The following IQSEC1 variants were observed in gnomAD, a reference collection of about 807,000 sequenced individuals.
IQSEC1 encodes the protein IQ motif and SEC7 domain-containing protein 1.
IQSEC1 carries 31 observed loss-of-function variants against 91.0 expected under a neutral mutation model. That is an observed-to-expected ratio of 0.34 (90% CI 0.26 to 0.46). The LOEUF (loss-of-function observed/expected upper bound fraction) is 0.46, where lower values mean the gene tolerates loss of function less well. IQSEC1 is among the 20% of genes least tolerant of loss of function. The pLI is 1.00. For missense variants in IQSEC1, 1,388 were observed against 1,575.6 expected (o/e 0.88, Z 2.02); for synonymous variants, 699 against 662.6 (o/e 1.05, Z -0.84).
At chr3:13,089,035 T>C (rs942889314) in intron 2 of IQSEC1, among the ~76,000 whole-genome samples, 4 of 152,374 alleles carry the variant, frequency 2.6e-5, no homozygotes, top group African/African-American at 9.6e-5. Context: ...GATTTCAGTA[T>C]TGTAACGACA....
rs550908028 is a variant in IQSEC1 at position 12,972,735 on chromosome 3, C to A, written c.24-30870G>T. Among the ~76,000 whole-genome samples, 4 of 152,278 alleles carry A rather than the reference C, an allele frequency of 2.6e-5. No homozygotes were observed. In the East Asian group the frequency reaches 7.7e-4, roughly 29 times the overall value. On this transcript the variant is annotated intron_variant, in intron 1 of 13. Transcript: ENST00000613206. Reference sequence around the variant, plus strand: ...CCAGAACTATAAACACTGACACTGACCCGAGGCTTCATGCCACACTGGCCA... The same window carrying A: ...CCAGAACTATAAACACTGACACTGAACCGAGGCTTCATGCCACACTGGCCA...
rs1009590643 is a variant in IQSEC1 at position 12,900,444 on chromosome 3, C to T, written c.*539G>A. ...CCTGCCTTTCACACACAAGTACTAC[C>T]TATACAGTATATATATATATATATT... On this transcript the variant is annotated 3_prime_UTR_variant, in exon 14 of 14. Coordinates refer to ENST00000613206, the MANE Select transcript of IQSEC1 (RefSeq NM_001134382.3). The T allele has an allele frequency of 1.1e-5, 9 of 817,174 alleles. No individual in the cohort carries two copies. In the African/African-American group the frequency reaches 1.5e-4, roughly 14 times the overall value. 50.6% of individuals were successfully genotyped at this position (817,174 alleles called of 1,614,324 possible).
At chr3:12,901,579 AATG>A in intron 13 of IQSEC1, 57 bp from the exon 14 acceptor site, 4 of 1,420,838 alleles carry the variant, frequency 2.8e-6, no homozygotes, top group East Asian at 5.0e-5. Context: ...CTTAGGTCAG[AATG>A]ATTTTTTTTT....
At chr3:13,142,974 C>G (rs1303395098) in intron 2 of IQSEC1, among the ~76,000 whole-genome samples, 1 of 152,216 alleles carries the variant, frequency 6.6e-6, no homozygotes, top group Non-Finnish European at 1.5e-5. Context: ...TTCATTTCCT[C>G]CTGTTCTCTT....
chr3:13,133,541 C>T (rs116316593), intron 2 of IQSEC1, among the ~76,000 whole-genome samples: 1,832 of 152,326 alleles, frequency 0.012, 43 homozygotes, highest in African/African-American at 0.041. Flanking sequence ...GGGCAGCAGG[C>T]GCCCTTGCCA....
rs372041168 is a variant in IQSEC1, at chr3:13,144,862, G to A, written c.302+19242C>T. 3.7e-4 allele frequency among the ~76,000 whole-genome samples: 57 copies of A among 152,324 alleles called. 1 individual carries two copies. In the South Asian group the frequency reaches 0.011, roughly 29 times the overall value. On this transcript the variant is annotated intron_variant, in intron 2 of 15. Coordinates refer to the IQSEC1 transcript ENST00000648114. Reference sequence around the variant, plus strand: ...GAGGCCTCTGAAGTCTGGAAGCAGCGCTTGGGCCGAAGCGAATCCACAGGC... The same window carrying A: ...GAGGCCTCTGAAGTCTGGAAGCAGCACTTGGGCCGAAGCGAATCCACAGGC...
Position 13,142,271 on chromosome 3 carries a change from C to T in IQSEC1, c.302+21833G>A, listed in dbSNP as rs1706813873. 2.0e-5 allele frequency among the ~76,000 whole-genome samples: 3 copies of T among 152,210 alleles called. No individual in the cohort carries two copies. In the South Asian group the frequency reaches 6.2e-4, roughly 32 times the overall value. On this transcript the variant is annotated intron_variant, in intron 2 of 15. Transcript: ENST00000648114. Reference sequence around the variant, plus strand: ...CACTTTGCTGATGACACAGCAGAAGCCCAGAGAGGGGAAGGGCTTCCCTGC... The same window carrying T: ...CACTTTGCTGATGACACAGCAGAAGTCCAGAGAGGGGAAGGGCTTCCCTGC...
Position 12,899,312 on chromosome 3 carries a change from G to A in IQSEC1, c.*1671C>T. 1.3e-6 allele frequency: 2 copies of A among 1,520,914 alleles called. No homozygotes were observed. Among genetic ancestry groups the A allele is most frequent in the Admixed American group, 1.8e-5 (1 of 55,418 alleles). 94.2% of individuals were successfully genotyped at this position (1,520,914 alleles called of 1,614,324 possible). A position where few individuals can be genotyped will look rare whatever the true frequency, so the allele number is the denominator to read the frequency against. ...GGAACGCGGCCCCGCGGCCCGCAGA[G>A]TCAGGCGTGAGCTTCGCCCTTTCTG... On this transcript the variant is annotated 3_prime_UTR_variant, in exon 14 of 14. Coordinates refer to ENST00000613206, the MANE Select transcript of IQSEC1 (RefSeq NM_001134382.3).
chr3:12,963,556 T>C (rs990511652), intron 1 of IQSEC1, among the ~76,000 whole-genome samples: 1 of 152,266 alleles, frequency 6.6e-6, no homozygotes, highest in African/African-American at 2.4e-5. Context: ...TCTATCTGTA[T>C]GCTTTGGTCA....
chr3:13,171,107 C>A (rs376694158), intron 1 of IQSEC1, among the ~76,000 whole-genome samples: 13,752 of 148,782 alleles, frequency 0.092, 963 homozygotes, highest in African/African-American at 0.2. Context: ...TCAAAAAAAA[C>A]AAAAAAAACA....
Position 13,259,033 on chromosome 3 carries a change from T to G in IQSEC1, c.272+23678A>C, listed in dbSNP as rs182747725. Among the ~76,000 whole-genome samples, 1 of 152,262 alleles carries G rather than the reference T, an allele frequency of 6.6e-6. No individual in the cohort carries two copies. Among genetic ancestry groups the G allele is most frequent in the Admixed American group, 6.5e-5 (1 of 15,282 alleles). On this transcript the variant is annotated intron_variant, in intron 1 of 15. Transcript: ENST00000648114. The surrounding 1 kb of genome is among the most constrained non-coding windows in gnomAD (Gnocchi z 4.6). ...GCACAGCCCCTACCCTCTTTCCCTATAGTCTATCTCACACCATGGCCAGAG... is the reference window on the plus strand; with the variant it reads ...GCACAGCCCCTACCCTCTTTCCCTAGAGTCTATCTCACACCATGGCCAGAG...
rs572303473 is a variant in IQSEC1 at position 13,156,969 on chromosome 3, T to C, written c.302+7135A>G. Among the ~76,000 whole-genome samples the C allele has an allele frequency of 3.9e-5, 6 of 152,238 alleles. No individual in the cohort carries two copies. In the South Asian group the frequency reaches 1.2e-3, roughly 32 times the overall value. ...AATGGAGAGTCAGATGTGGACAAGA[T>C]CAAGAAAACTCTTGATGTTTTCATT... On this transcript the variant is annotated intron_variant, in intron 2 of 15. Transcript: ENST00000648114.
Position 12,898,047 on chromosome 3 carries a change from G to C in IQSEC1, c.*2936C>G. ...GTCAGCAATTCTGTATGTAACTGCA[G>C]TAATTTGTGTGACTTGAGAAAGGTG... On this transcript the variant is annotated 3_prime_UTR_variant, in exon 14 of 14. Coordinates refer to ENST00000613206, the MANE Select transcript of IQSEC1 (RefSeq NM_001134382.3). 1 of 152,182 alleles carries C rather than the reference G, an allele frequency of 6.6e-6. No individual in the cohort carries two copies. The highest frequency in any genetic ancestry group is 1.9e-4 in the East Asian group (1 of 5,186). 9.4% of individuals were successfully genotyped at this position (152,182 alleles called of 1,614,324 possible).
At chr3:13,171,654 T>C (rs1224952140) in intron 1 of IQSEC1, among the ~76,000 whole-genome samples, 1 of 152,222 alleles carries the variant, frequency 6.6e-6, no homozygotes, top group Non-Finnish European at 1.5e-5. Context: ...TCCCTATTCC[T>C]GATGATTTAG....
At chr3:12,938,276 G>A (rs1420116368) in intron 2 of IQSEC1, among the ~76,000 whole-genome samples, 2 of 152,238 alleles carry the variant, frequency 1.3e-5, no homozygotes, top group African/African-American at 4.8e-5. Flanking sequence ...TTGCCCTCGA[G>A]GAGCGAGGGG....
At chr3:13,131,573 A>G (rs1017765318) in intron 2 of IQSEC1, among the ~76,000 whole-genome samples, 4 of 139,558 alleles carry the variant, frequency 2.9e-5, no homozygotes, top group African/African-American at 1.1e-4. Flanking sequence ...CGCAACCTGT[A>G]GCTCCTAGGT....
At chr3:13,070,175 A>C (rs1705368770) in intron 1 of IQSEC1, among the ~76,000 whole-genome samples, 1 of 152,236 alleles carries the variant, frequency 6.6e-6, no homozygotes. Flanking sequence ...CCGCTGGAGC[A>C]AGTCTGTCCC....
At position 12,900,503 on chromosome 3, in the gene IQSEC1, C is replaced by T. The variant is rs1210908852; in HGVS notation, c.*480G>A. On this transcript the variant is annotated 3_prime_UTR_variant, in exon 14 of 14. Transcript: ENST00000613206. ...TATATATTTATATAAAGTTTACTTA[C>T]GTATTTTCATCAACCATATCAGGTC... The T allele has an allele frequency of 7.2e-5, 61 of 843,196 alleles. No individual in the cohort carries two copies. Among genetic ancestry groups the T allele is most frequent in the South Asian group, 1.6e-4 (3 of 18,428 alleles). 52.2% of individuals were successfully genotyped at this position (843,196 alleles called of 1,614,324 possible). A position where few individuals can be genotyped will look rare whatever the true frequency, so the allele number is the denominator to read the frequency against.
chr3:13,261,460 G>A lies in IQSEC1; in HGVS notation c.272+21251C>T, dbSNP rs555917729. On this transcript the variant is annotated intron_variant, in intron 1 of 15. Transcript: ENST00000648114. ...AGCCCCTCGAATGAGTGCTGTGCCC[G>A]AGAGCTCCCAGTGTATCCCCTTTCA... Among the ~76,000 whole-genome samples the A allele has an allele frequency of 3.3e-5, 5 of 152,210 alleles. No individual in the cohort carries two copies. In the South Asian group the frequency reaches 6.2e-4, roughly 19 times the overall value.
Sources: gnomAD v4.1 joint callset for allele counts (sites outside exome capture counted in the v4.1 genomes callset) on GRCh38, gnomAD v4.1.1 for gene constraint, Gnocchi (gnomAD v3.1) non-coding constraint, MANE v1.5 for transcripts, NCBI Gene and HGNC (gene_info 2026-07-23, HGNC 2026-07-21) for gene names.